The following CCDC85A variants were observed in gnomAD, a reference collection of about 807,000 sequenced individuals.
CCDC85A encodes the protein coiled-coil domain containing 85A.
CCDC85A carries 38 observed loss-of-function variants against 50.2 expected under a neutral mutation model. The observed-to-expected ratio is 0.76, with a 90% CI of 0.58 to 0.99. The LOEUF (loss-of-function observed/expected upper bound fraction) is 0.99. Ranked by LOEUF, CCDC85A falls within the 50% of genes least tolerant of loss-of-function variation. The probability of loss-of-function intolerance (pLI) is 0.00; values close to 1 mark genes in which losing one functional copy is unlikely to be tolerated. For synonymous variants in CCDC85A, 366 were observed against 301.4 expected, an observed-to-expected ratio of 1.21 and a Z score of -2.22; for missense variants, 820 against 742.0, an observed-to-expected ratio of 1.11 and a Z score of -1.22.
At chr2:56,324,869 A>T (rs1419343961) in intron 2 of CCDC85A, among the ~76,000 whole-genome samples, 3 of 152,110 alleles carry the variant, frequency 2.0e-5, no homozygotes, top group African/African-American at 7.2e-5. Context: ...AAACATGAAT[A>T]AATCACAGTT....
chr2:56,246,318 C>T (rs1246443973), intron 2 of CCDC85A, among the ~76,000 whole-genome samples: 1 of 152,140 alleles, frequency 6.6e-6, no homozygotes, highest in Admixed American at 6.6e-5. Flanking sequence ...TACATTTTAT[C>T]ATTCTGTGGA....
Position 56,285,665 on chromosome 2 carries a change from G to A in CCDC85A, c.1241-57214G>A, listed in dbSNP as rs369608095. ...TACATTTTACTCCCCTGGCTTTTGT[G>A]TTATGTCATATATTTTACTTCTATA... On this transcript the variant is annotated intron_variant, in intron 2 of 5. Coordinates refer to ENST00000407595, the MANE Select transcript of CCDC85A (RefSeq NM_001080433.2). 3.7e-4 allele frequency among the ~76,000 whole-genome samples: 55 copies of A among 150,102 alleles called. No individual in the cohort carries two copies. The East Asian group carries it at 8.6e-3, about 23-fold the overall frequency.
intron 3 of CCDC85A, 134 bp downstream of exon 3, chr2:56,343,089 TAG>T (rs2104324008): frequency 1.6e-6 from 1 of 607,936 alleles, no homozygotes; most frequent in South Asian, 2.0e-5. Flanking sequence ...TTCATCAATG[TAG>T]AGTGTGATTA....
chr2:56,375,716 G>T, intron 4 of CCDC85A, 100 bp from the exon 5 acceptor site: 1 of 1,255,524 alleles, frequency 8.0e-7, no homozygotes, highest in South Asian at 1.3e-5. Flanking sequence ...GTAACAAAAT[G>T]GCTAATTCTC....
intron 2 of CCDC85A, among the ~76,000 whole-genome samples, chr2:56,276,501 T>C (rs1232449598): frequency 1.3e-5 from 2 of 152,086 alleles, no homozygotes; most frequent in East Asian, 3.9e-4. Flanking sequence ...GCTAATCTCA[T>C]GGTAGTGAAT....
chr2:56,236,199 C>T (rs928461772), intron 2 of CCDC85A, among the ~76,000 whole-genome samples: 16 of 152,054 alleles, frequency 1.1e-4, no homozygotes, highest in African/African-American at 3.9e-4. Context: ...AAGGAAAGGC[C>T]CCTATGCAGT....
chr2:56,317,080 T>G (rs563590007), intron 2 of CCDC85A, among the ~76,000 whole-genome samples: 20 of 152,234 alleles, frequency 1.3e-4, no homozygotes, highest in African/African-American at 4.8e-4. Context: ...TTATAAGAGA[T>G]GTACCTGTAA....
chr2:56,276,734 G>A (rs1304379880), intron 2 of CCDC85A, among the ~76,000 whole-genome samples: 1 of 152,106 alleles, frequency 6.6e-6, no homozygotes, highest in Non-Finnish European at 1.5e-5. Context: ...CTAATACAGT[G>A]AGTGTATTTT....
intron 1 of CCDC85A, among the ~76,000 whole-genome samples, chr2:56,190,589 G>T (rs1676253060): frequency 1.3e-5 from 2 of 152,214 alleles, no homozygotes; most frequent in Non-Finnish European, 2.9e-5. Context: ...CTATGGGGAA[G>T]TGACTTATAA....
chr2:56,224,866 C>T (rs1421557759), intron 2 of CCDC85A, among the ~76,000 whole-genome samples: 2 of 151,950 alleles, frequency 1.3e-5, no homozygotes, highest in Admixed American at 6.6e-5. Context: ...ATATGATGTA[C>T]AAATAGTTGT....
intron 3 of CCDC85A, among the ~76,000 whole-genome samples, chr2:56,347,903 A>C (rs1674709694): frequency 6.6e-6 from 1 of 152,194 alleles, no homozygotes; most frequent in East Asian, 1.9e-4. Flanking sequence ...TATATGCTGC[A>C]TGTGCAGTGA....
Position 56,385,803 on chromosome 2 carries a change from T to C in CCDC85A, c.*1448T>C, listed in dbSNP as rs1274594658. 2 of 151,736 alleles carry C rather than the reference T, an allele frequency of 1.3e-5. No individual in the cohort carries two copies. The highest frequency in any genetic ancestry group is 2.4e-5 in the African/African-American group (1 of 41,376). The allele number at this position is 151,736 out of a possible 1,614,324, so 9.4% of individuals were successfully genotyped here. The stretch of plus-strand genomic sequence containing the variant: ...TCTATTTTCAGAAAATATTTATGAA[T>C]TAATTTACTATAGAATTATCTCTCT... On this transcript the variant is annotated 3_prime_UTR_variant, in exon 6 of 6. Coordinates refer to ENST00000407595, the MANE Select transcript of CCDC85A (RefSeq NM_001080433.2).
chr2:56,347,849 T>G (rs1226780251), intron 3 of CCDC85A, among the ~76,000 whole-genome samples: 1 of 152,212 alleles, frequency 6.6e-6, no homozygotes, highest in Non-Finnish European at 1.5e-5. Flanking sequence ...ATCCTTTTCT[T>G]GATGGTCACA....
intron 2 of CCDC85A, among the ~76,000 whole-genome samples, chr2:56,266,579 C>CCCG (rs1670453572): frequency 6.6e-5 from 1 of 15,226 alleles, no homozygotes; most frequent in Non-Finnish European, 1.5e-4. Flanking sequence ...CAATAACGCG[C>CCCG]CCCCCCCCCC....
chr2:56,216,814 T>C (rs1453813757), intron 2 of CCDC85A, among the ~76,000 whole-genome samples: 2 of 151,700 alleles, frequency 1.3e-5, no homozygotes, highest in Non-Finnish European at 1.5e-5. Context: ...TGGAGAACTA[T>C]TTGCCTGAAA....
chr2:56,225,960 A>G (rs1357479604), intron 2 of CCDC85A, among the ~76,000 whole-genome samples: 1 of 152,128 alleles, frequency 6.6e-6, no homozygotes, highest in Non-Finnish European at 1.5e-5. Flanking sequence ...GAATTGATAT[A>G]TTTTCCAGAT....
At chr2:56,189,323 CT>C (rs1676196865) in intron 1 of CCDC85A, among the ~76,000 whole-genome samples, 2 of 65,942 alleles carry the variant, frequency 3.0e-5, no homozygotes, top group South Asian at 7.3e-4. Context: ...GAGACAAGGT[CT>C]CACTCTGTTG....
intron 2 of CCDC85A, among the ~76,000 whole-genome samples, chr2:56,303,775 G>A (rs1429870025): frequency 6.6e-6 from 1 of 152,108 alleles, no homozygotes; most frequent in Non-Finnish European, 1.5e-5. Flanking sequence ...GTGAATGCAA[G>A]GATCAATTTT....
At chr2:56,290,304 A>G (rs563590637) in intron 2 of CCDC85A, among the ~76,000 whole-genome samples, 1 of 151,202 alleles carries the variant, frequency 6.6e-6, no homozygotes, top group African/African-American at 2.4e-5. Context: ...TGGAATCTCT[A>G]TTTTTTTCAG....
Sources: allele counts gnomAD v4.1 joint callset (sites outside exome capture counted in the v4.1 genomes callset), GRCh38; gene constraint gnomAD v4.1.1; transcripts MANE v1.5; gene names NCBI Gene and HGNC (gene_info 2026-07-23, HGNC 2026-07-21).